HTR4: variants seen among roughly 807,000 people sequenced by gnomAD.
HTR4 encodes 5-hydroxytryptamine receptor 4, also known as 5-hydroxytryptamine (serotonin) receptor 4, G protein-coupled.
In HTR4, 16 loss-of-function variants were observed where a neutral mutation model predicts 36.8. The observed-to-expected ratio is 0.43, with a 90% CI of 0.29 to 0.66. HTR4 has a LOEUF of 0.66. Among genes scored for constraint, HTR4 ranks in the 30% least tolerant of loss-of-function variants. HTR4 has a pLI of 0.13. For synonymous variants in HTR4, 189 were observed against 185.1 expected (o/e 1.02, Z -0.17); for missense variants, 438 against 490.9 (o/e 0.89, Z 1.02).
At chr5:148,644,167 G>A (rs1243961001) in intron 1 of HTR4, among the ~76,000 whole-genome samples, 1 of 152,096 alleles carries the variant, frequency 6.6e-6, no homozygotes, top group Non-Finnish European at 1.5e-5. Flanking sequence ...AACCACCACG[G>A]CAAAACAGCA....
intron 2 of HTR4, among the ~76,000 whole-genome samples, chr5:148,591,670 C>T (rs1250280619): frequency 6.6e-6 from 1 of 152,090 alleles, no homozygotes; most frequent in Non-Finnish European, 1.5e-5. Flanking sequence ...CAAAAGGAGA[C>T]AAACATGCTG....
At chr5:148,465,913 A>G in intron 5 of HTR4, 6 of 1,613,614 alleles carry the variant, frequency 3.7e-6, no homozygotes, top group Non-Finnish European at 5.1e-6. Context: ...AGCTGGAGAC[A>G]GGGGAACAGC....
chr5:148,523,640 G>T (rs1758129928), intron 4 of HTR4, among the ~76,000 whole-genome samples: 1 of 152,106 alleles, frequency 6.6e-6, no homozygotes, highest in Admixed American at 6.6e-5. Context: ...ATGATATACT[G>T]GCCTGTGAGT....
Position 148,509,911 on chromosome 5 carries a change from G to C in HTR4, c.621C>G (p.Leu207=). The C allele has an allele frequency of 6.2e-7, 1 of 1,614,012 alleles. No individual in the cohort carries two copies. Among genetic ancestry groups the C allele is most frequent in the South Asian group, 1.1e-5 (1 of 91,074 alleles). Residue 207 remains leucine, a synonymous_variant, in exon 6 of 7, where the codon CTC becomes CTG. Transcript: ENST00000377888. ...AGATGCGGTAATAGGCCAGCACCAT[G>C]AGGAGAAATGGGATGTAGAAGGCCA... ...SVVAFYIPFL[L]MVLAYYRIYV... is the part of the protein sequence containing the mutation.
chr5:148,475,537 C>T (rs1755674957), downstream of HTR4, among the ~76,000 whole-genome samples: 1 of 152,162 alleles, frequency 6.6e-6, no homozygotes, highest in African/African-American at 2.4e-5. Flanking sequence ...TCCATGCGTG[C>T]AGATTATGTT....
At chr5:148,582,901 C>T (rs970270353) in intron 2 of HTR4, among the ~76,000 whole-genome samples, 11 of 152,142 alleles carry the variant, frequency 7.2e-5, no homozygotes, top group African/African-American at 2.7e-4. Context: ...TTGACTTCCT[C>T]TTTTCCTAAT....
chr5:148,457,318 G>A (rs1755123443), intron 5 of HTR4, among the ~76,000 whole-genome samples: 2 of 152,048 alleles, frequency 1.3e-5, no homozygotes, highest in Non-Finnish European at 2.9e-5. Context: ...CAATGCAAGC[G>A]ACAACTCCCT....
At chr5:148,534,910 G>T (rs1157166016) in intron 4 of HTR4, among the ~76,000 whole-genome samples, 1 of 152,036 alleles carries the variant, frequency 6.6e-6, no homozygotes, top group East Asian at 1.9e-4. Context: ...GATTGCCCCA[G>T]AGCTACAGTC....
At position 148,483,138 on chromosome 5, in the gene HTR4, C is replaced by T; in HGVS notation, c.*65G>A. ...AATACCGGGTGCAGTCGCGCACAAG[C>T]AGCAGCTTAGGACCTGGCCCTCTTT... On this transcript the variant is annotated 3_prime_UTR_variant, in exon 7 of 7. Transcript: ENST00000377888. The T allele has an allele frequency of 6.2e-7, 1 of 1,609,518 alleles. No homozygotes were observed. The highest frequency in any genetic ancestry group is 8.5e-7 in the Non-Finnish European group (1 of 1,177,216).
At chr5:148,615,388 G>A (rs953400916) in intron 2 of HTR4, among the ~76,000 whole-genome samples, 3 of 151,410 alleles carry the variant, frequency 2.0e-5, no homozygotes, top group Non-Finnish European at 4.4e-5. Flanking sequence ...TAGGGACATG[G>A]ATGAAATTGG....
At position 148,509,614 on chromosome 5, in the gene HTR4, C is replaced by T; in HGVS notation, c.918G>A (p.Gly306=). The T allele has an allele frequency of 1.2e-6, 2 of 1,614,038 alleles. No homozygotes were observed. Among genetic ancestry groups the T allele is most frequent in the East Asian group, 2.2e-5 (1 of 44,858 alleles). Reference sequence around the variant, plus strand: ...AGAAGGCGTAGAGAAAAGGGTTCAACCCGGAATTGATATAGCCGAGCCAGA... The same window carrying T: ...AGAAGGCGTAGAGAAAAGGGTTCAATCCGGAATTGATATAGCCGAGCCAGA... ...AFLWLGYINS[G]LNPFLYAFLN... The change falls in exon 6 of 7, where the codon GGG becomes GGA. Residue 306 remains glycine, a synonymous_variant. Coordinates refer to ENST00000377888, the MANE Select transcript of HTR4 (RefSeq NM_000870.7).
At chr5:148,535,636 C>A (rs911799699) in intron 4 of HTR4, among the ~76,000 whole-genome samples, 7 of 152,214 alleles carry the variant, frequency 4.6e-5, no homozygotes, top group South Asian at 2.1e-4. Context: ...GAAACTTTCT[C>A]AGAACTTGAA....
At chr5:148,508,774 C>A (rs1316274206) in intron 6 of HTR4, among the ~76,000 whole-genome samples, 1 of 152,018 alleles carries the variant, frequency 6.6e-6, no homozygotes, top group African/African-American at 2.4e-5. Flanking sequence ...ATTAGGTTCT[C>A]AGGCACTACG....
intron 2 of HTR4, among the ~76,000 whole-genome samples, chr5:148,625,614 C>T (rs1463004770): frequency 1.3e-5 from 2 of 152,052 alleles, no homozygotes; most frequent in Admixed American, 6.6e-5. Flanking sequence ...CAGAGTCTTG[C>T]CTTGTCGCCA....
At chr5:148,610,000 T>A (rs909144723) in intron 2 of HTR4, among the ~76,000 whole-genome samples, 1 of 152,198 alleles carries the variant, frequency 6.6e-6, no homozygotes, top group Admixed American at 6.5e-5. Context: ...TCCCAGAAGT[T>A]GCAGAACTTG....
At chr5:148,511,024 G>C (rs1190497649) in intron 5 of HTR4, among the ~76,000 whole-genome samples, 1 of 152,154 alleles carries the variant, frequency 6.6e-6, no homozygotes, top group Non-Finnish European at 1.5e-5. Flanking sequence ...AGTCTCTCCT[G>C]AACCCACTCC....
rs551065061 is a variant in HTR4, at chr5:148,628,545, ATAGT to A, written c.26+8440_26+8443del. ...ATCTAAATTATATATACCTTAGGAG[ATAGT>A]TTGTCTTTGGAGAGTTGGGAGATAA... On this transcript the variant is annotated intron_variant, in intron 2 of 6. Transcript: ENST00000377888. 6.3e-4 allele frequency: 96 copies of A among 152,218 alleles called. 1 individual carries two copies. Among genetic ancestry groups the A allele is most frequent in the African/African-American group, 2.2e-3 (92 of 41,528 alleles). 9.4% of individuals were successfully genotyped at this position (152,218 alleles called of 1,614,324 possible).
intron 2 of HTR4, among the ~76,000 whole-genome samples, chr5:148,600,837 T>C (rs951269270): frequency 6.6e-6 from 1 of 150,976 alleles, no homozygotes; most frequent in Non-Finnish European, 1.5e-5. Flanking sequence ...TGTATGAAAC[T>C]AAAAAGCTCC....
chr5:148,451,071 C>T (rs1373430765), exon 6 of HTR4: 1 of 1,555,726 alleles, frequency 6.4e-7, no homozygotes, highest in African/African-American at 1.4e-5. Flanking sequence ...GGCTCTCAGC[C>T]CCTACTACCT....
Sources: allele counts gnomAD v4.1 joint callset (sites outside exome capture counted in the v4.1 genomes callset), GRCh38; gene constraint gnomAD v4.1.1; transcripts MANE v1.5; gene names NCBI Gene and HGNC (gene_info 2026-07-23, HGNC 2026-07-21).